The following NDST4 variants were observed in gnomAD, a reference collection of about 807,000 sequenced individuals.
NDST4 encodes the protein N-deacetylase and N-sulfotransferase 4.
A neutral mutation model predicts 100.8 loss-of-function variants in NDST4; 63 were observed. The observed-to-expected ratio is 0.62, with a 90% CI of 0.51 to 0.77. NDST4 has a LOEUF of 0.77. NDST4 is among the 30% of genes least tolerant of loss of function. The pLI is 0.00. For synonymous variants in NDST4, 377 were observed against 361.8 expected, an observed-to-expected ratio of 1.04 and a Z score of -0.48; for missense variants, 943 against 1,018.4, an observed-to-expected ratio of 0.93 and a Z score of 1.01.
chr4:114,952,029 A>G (rs777213832), intron 4 of NDST4, among the ~76,000 whole-genome samples: 1 of 152,182 alleles, frequency 6.6e-6, no homozygotes, highest in Non-Finnish European at 1.5e-5. Context: ...AACCTATGTT[A>G]TAATTTTCAT....
rs141861313 is a variant in NDST4 at position 115,036,148 on chromosome 4, A to G, written c.978+39911T>C. On this transcript the variant is annotated intron_variant, in intron 2 of 13. Coordinates refer to ENST00000264363, the MANE Select transcript of NDST4 (RefSeq NM_022569.3). ...TTTTTATGTGTTTTTTTATAGCAAA[A>G]GCCTAACTTCTCAAAAGAGAAATAC... Among the ~76,000 whole-genome samples, 603 of 151,866 alleles carry G rather than the reference A, an allele frequency of 4.0e-3. 2 individuals are homozygous for G. Among genetic ancestry groups the G allele is most frequent in the African/African-American group, 0.014 (577 of 41,538 alleles).
intron 2 of NDST4, among the ~76,000 whole-genome samples, chr4:115,069,760 G>C (rs1729032415): frequency 1.3e-5 from 2 of 152,142 alleles, no homozygotes; most frequent in African/African-American, 2.4e-5. Flanking sequence ...GCACACGTCT[G>C]TATTCCCAGC....
At chr4:114,840,986 C>T (rs1723412082) in intron 10 of NDST4, among the ~76,000 whole-genome samples, 1 of 152,038 alleles carries the variant, frequency 6.6e-6, no homozygotes. Context: ...GATTATATAA[C>T]TCATTTAATT....
chr4:115,084,616 T>C (rs1240838903), intron 1 of NDST4, among the ~76,000 whole-genome samples: 2 of 152,194 alleles, frequency 1.3e-5, no homozygotes, highest in African/African-American at 4.8e-5. Flanking sequence ...CTCAGGCTAC[T>C]CCAGCTGTGG....
At chr4:114,906,904 A>G (rs991030448) in intron 6 of NDST4, among the ~76,000 whole-genome samples, 2 of 152,034 alleles carry the variant, frequency 1.3e-5, no homozygotes, top group Non-Finnish European at 2.9e-5. Context: ...ACATTTTTAT[A>G]ACATTTGGCT....
At chr4:115,033,548 T>C (rs1032520141) in intron 2 of NDST4, among the ~76,000 whole-genome samples, 22 of 152,088 alleles carry the variant, frequency 1.4e-4, no homozygotes, top group Non-Finnish European at 2.2e-4. Flanking sequence ...CTATAATTTA[T>C]TTGATTAATT....
At chr4:114,937,624 C>T (rs1422761706) in intron 4 of NDST4, 121 bp from the exon 5 acceptor site, 2 of 790,982 alleles carry the variant, frequency 2.5e-6, no homozygotes, top group South Asian at 2.4e-5. Context: ...AATTAAAAAT[C>T]CAGCAAGGTA....
At chr4:114,948,412 A>G (rs1198811640) in intron 4 of NDST4, among the ~76,000 whole-genome samples, 3 of 151,954 alleles carry the variant, frequency 2.0e-5, no homozygotes, top group African/African-American at 7.2e-5. Flanking sequence ...ATTTCATCAG[A>G]CCAAAAGTAG....
intron 6 of NDST4, among the ~76,000 whole-genome samples, chr4:114,895,334 C>G (rs1477672633): frequency 6.6e-6 from 1 of 152,098 alleles, no homozygotes; most frequent in Non-Finnish European, 1.5e-5. Flanking sequence ...ATACAAACTA[C>G]CATCAGAGAA....
chr4:115,014,064 T>C (rs904944959), intron 2 of NDST4, among the ~76,000 whole-genome samples: 15 of 152,092 alleles, frequency 9.9e-5, no homozygotes, highest in African/African-American at 1.4e-4. Context: ...TGTGGTTTTA[T>C]TGCTTGAGAA....
intron 4 of NDST4, among the ~76,000 whole-genome samples, chr4:114,947,678 G>A (rs959693898): frequency 3.4e-5 from 5 of 148,054 alleles, no homozygotes; most frequent in Non-Finnish European, 5.9e-5. Context: ...GGAAAAAGAA[G>A]GTACTTAAAA....
At chr4:114,968,212 T>C (rs946939256) in intron 4 of NDST4, among the ~76,000 whole-genome samples, 2 of 152,212 alleles carry the variant, frequency 1.3e-5, no homozygotes, top group African/African-American at 2.4e-5. Context: ...TAACATATCA[T>C]AGTATTAATT....
chr4:115,000,501 A>T (rs1727266056), intron 2 of NDST4, among the ~76,000 whole-genome samples: 1 of 152,122 alleles, frequency 6.6e-6, no homozygotes, highest in Admixed American at 6.6e-5. Context: ...CTATTTACAC[A>T]TGGACCCAAA....
At chr4:115,111,132 C>T (rs560541074) in intron 1 of NDST4, among the ~76,000 whole-genome samples, 7 of 151,978 alleles carry the variant, frequency 4.6e-5, no homozygotes, top group African/African-American at 1.7e-4. Context: ...TCCAAAGGCC[C>T]CCTTTCAACT....
At chr4:114,997,759 T>C (rs981885678) in intron 2 of NDST4, among the ~76,000 whole-genome samples, 1 of 152,090 alleles carries the variant, frequency 6.6e-6, no homozygotes. Flanking sequence ...GAATACTCCA[T>C]TAGCTTGCTC....
chr4:114,958,324 C>T (rs558601392), intron 4 of NDST4, among the ~76,000 whole-genome samples: 2 of 147,958 alleles, frequency 1.4e-5, no homozygotes, highest in East Asian at 3.9e-4. Flanking sequence ...CAAAATGCCA[C>T]CAGTCTCTTT....
chr4:114,961,085 G>A (rs1726252652), intron 4 of NDST4, among the ~76,000 whole-genome samples: 1 of 151,970 alleles, frequency 6.6e-6, no homozygotes, highest in South Asian at 2.1e-4. Context: ...AAGTTAAAAT[G>A]TATATTGAAA....
intron 2 of NDST4, among the ~76,000 whole-genome samples, chr4:115,023,936 G>T (rs1158562648): frequency 6.6e-6 from 1 of 151,552 alleles, no homozygotes; most frequent in Non-Finnish European, 1.5e-5. Context: ...TGCCATTCCA[G>T]TGCAATGCTT....
intron 2 of NDST4, among the ~76,000 whole-genome samples, chr4:115,037,705 A>G (rs993621100): frequency 6.6e-6 from 1 of 152,126 alleles, no homozygotes; most frequent in African/African-American, 2.4e-5. Flanking sequence ...TTGAGTAACT[A>G]CCAATAAAAA....
Sources: allele counts gnomAD v4.1 joint callset (sites outside exome capture counted in the v4.1 genomes callset), GRCh38; gene constraint gnomAD v4.1.1; transcripts MANE v1.5; gene names NCBI Gene and HGNC (gene_info 2026-07-23, HGNC 2026-07-21).